The following URB1 variants were observed in gnomAD, a reference collection of about 807,000 sequenced individuals.
The protein encoded by URB1 is URB1 ribosome biogenesis factor, also known as nucleolar pre-ribosomal-associated protein 1.
Under a neutral mutation model 242.3 loss-of-function variants are expected in URB1, and 197 were observed. The observed-to-expected ratio is 0.81, with a 90% CI of 0.72 to 0.91. The LOEUF (loss-of-function observed/expected upper bound fraction) is 0.91. Ranked by LOEUF, URB1 falls within the 40% of genes least tolerant of loss-of-function variation. The probability of loss-of-function intolerance (pLI) is 0.00; values close to 1 mark genes in which losing one functional copy is unlikely to be tolerated. For missense variants in URB1, 2,721 were observed against 2,860.5 expected (o/e 0.95, Z 1.11); for synonymous variants, 1,153 against 1,201.8 (o/e 0.96, Z 0.84).
At chr21:32,383,377 G>A (rs757058705) in intron 4 of URB1, 45 bp downstream of exon 4, 41 of 1,524,918 alleles carry the variant, frequency 2.7e-5, no homozygotes, top group Non-Finnish European at 3.3e-5. Context: ...AGTCCTCCAA[G>A]GGAAGGAGAC....
intron 1 of URB1, among the ~76,000 whole-genome samples, chr21:32,387,195 T>A (rs1416133374): frequency 2.0e-5 from 3 of 152,036 alleles, no homozygotes; most frequent in Non-Finnish European, 2.9e-5. Context: ...CACTGACACC[T>A]GAATCTGAAC....
Position 32,311,888 on chromosome 21 carries a change from G to C in URB1, c.*3030C>G. The C allele has an allele frequency of 6.2e-7, 1 of 1,614,010 alleles. No homozygotes were observed. The highest frequency in any genetic ancestry group is 8.5e-7 in the Non-Finnish European group (1 of 1,180,032). The stretch of plus-strand genomic sequence containing the variant: ...CCACCTTGCCCCTCGGGGGTTTCCA[G>C]ACCCACCCCACTCTCCTCTGGGAAC... On this transcript the variant is annotated 3_prime_UTR_variant, in exon 39 of 39. Coordinates refer to ENST00000382751, the MANE Select transcript of URB1 (RefSeq NM_014825.3).
chr21:32,329,586 A>G (rs963637329), intron 30 of URB1, among the ~76,000 whole-genome samples: 6 of 152,240 alleles, frequency 3.9e-5, no homozygotes, highest in African/African-American at 1.4e-4. Flanking sequence ...CATTGCTAAC[A>G]GCCTTGGCTG....
At chr21:32,356,818 G>C (rs1160513825) in intron 15 of URB1, among the ~76,000 whole-genome samples, 2 of 152,212 alleles carry the variant, frequency 1.3e-5, no homozygotes, top group African/African-American at 4.8e-5. Context: ...TCACCTATTT[G>C]CAGTCAGTGA....
rs1324294337 is a variant in URB1, at chr21:32,353,052, T to C, written c.2417-146A>G. 7 of 810,766 alleles carry C rather than the reference T, an allele frequency of 8.6e-6. 1 individual carries two copies. The highest frequency in any genetic ancestry group is 3.5e-4 in the Middle Eastern group (1 of 2,896). 50.2% of individuals were successfully genotyped at this position (810,766 alleles called of 1,614,324 possible). On this transcript the variant is annotated intron_variant, in intron 18 of 38. Coordinates refer to ENST00000382751, the MANE Select transcript of URB1 (RefSeq NM_014825.3). ...GGGACACATAACCACAGGGAAGGAATTGCTACTACTGGAGACTGTACTAGG... is the reference window on the plus strand; with the variant it reads ...GGGACACATAACCACAGGGAAGGAACTGCTACTACTGGAGACTGTACTAGG...
In URB1 at chr21:32,357,539, T is replaced by C; in HGVS notation, c.1987A>G (p.Lys663Glu). 6.6e-7 allele frequency: 1 copy of C among 1,510,046 alleles called. No homozygotes were observed. Among genetic ancestry groups the C allele is most frequent in the Non-Finnish European group, 8.8e-7 (1 of 1,132,628 alleles). The allele number at this position is 1,510,046 out of a possible 1,614,324, so 93.5% of individuals were successfully genotyped here. ...LKSLTKLLIMKILRDTGVFEH... is the reference protein window; with the variant it reads ...LKSLTKLLIMEILRDTGVFEH... ...AGAAACTGGTAGAAAATGCTCACCT[T>C]CATGATCAGAAGTTTGGTCAATGAC... Residue 663 changes from lysine (K) to glutamate (E), a missense_variant and splice_region_variant, in exon 15 of 39, where the codon AAG becomes GAG. By Grantham distance (56) the Lys-to-Glu change is moderately conservative. Transcript: ENST00000382751.
chr21:32,361,937 T>G lies in URB1; in HGVS notation c.1594A>C (p.Lys532Gln), dbSNP rs907710190. 10 of 1,551,460 alleles carry G rather than the reference T, an allele frequency of 6.4e-6. No homozygotes were observed. The highest frequency in any genetic ancestry group is 2.0e-5 in the Admixed American group (1 of 50,980). The change falls in exon 12 of 39, where the codon AAA (lysine) becomes CAA (glutamine). Residue 532 changes from lysine to glutamine, a missense_variant. Physicochemically the swap from Lys to Gln is moderately conservative, Grantham distance 53 (BLOSUM62 1). Coordinates refer to ENST00000382751, the MANE Select transcript of URB1 (RefSeq NM_014825.3). ...ETKQDDKKGQKRSDGPPAACD... is the reference protein window; with the variant it reads ...ETKQDDKKGQQRSDGPPAACD... ...GCAGCCGGGGGCCCATCGCTCCTTT[T>G]CTGCCCTTTCTTGTCATCCTGTTTG... is the stretch of plus-strand genomic sequence containing the variant.
rs2123534614 is a variant in URB1 at position 32,314,849 on chromosome 21, A to G, written c.*69T>C. 6.6e-7 allele frequency: 1 copy of G among 1,515,310 alleles called. No homozygotes were observed. Among genetic ancestry groups the G allele is most frequent in the Non-Finnish European group, 8.9e-7 (1 of 1,127,796 alleles). 93.9% of individuals were successfully genotyped at this position (1,515,310 alleles called of 1,614,324 possible). On this transcript the variant is annotated 3_prime_UTR_variant, in exon 39 of 39. Coordinates refer to ENST00000382751, the MANE Select transcript of URB1 (RefSeq NM_014825.3). Reference sequence around the variant, plus strand: ...TTCTCTGGAAACCCTTGACTCAACCAAACTTCTAGAAGCTGGTGCTGTGCT... The same window carrying G: ...TTCTCTGGAAACCCTTGACTCAACCGAACTTCTAGAAGCTGGTGCTGTGCT...
At chr21:32,386,689 C>T (rs1386268171) in intron 1 of URB1, among the ~76,000 whole-genome samples, 2 of 152,168 alleles carry the variant, frequency 1.3e-5, no homozygotes, top group African/African-American at 4.8e-5. Context: ...CAAGAAAAAC[C>T]ATATAGAGCA....
rs559095993 is a variant in URB1 at position 32,344,717 on chromosome 21, C to A, written c.4110G>T (p.Gly1370=). 1.9e-6 allele frequency: 3 copies of A among 1,552,040 alleles called. No individual in the cohort carries two copies. In the South Asian group the frequency reaches 3.6e-5, roughly 18 times the overall value. ...VADSISAALE[G]SAEELCAWRR... is the part of the protein sequence containing the mutation. Reference sequence around the variant, plus strand: ...TCCAGGCACACAGCTCTTCTGCTGACCCTTCCAGAGCTGCTGAAATGGAGT... The same window carrying A: ...TCCAGGCACACAGCTCTTCTGCTGAACCTTCCAGAGCTGCTGAAATGGAGT... The change falls in exon 24 of 39, where the codon GGG becomes GGT. Residue 1370 remains glycine, a synonymous_variant. Coordinates refer to ENST00000382751, the MANE Select transcript of URB1 (RefSeq NM_014825.3).
intron 30 of URB1, among the ~76,000 whole-genome samples, chr21:32,327,088 C>A (rs1038990422): frequency 6.6e-6 from 1 of 151,972 alleles, no homozygotes; most frequent in Non-Finnish European, 1.5e-5. Flanking sequence ...TAAACCTAGA[C>A]AGCCAAGAAA....
At chr21:32,353,843 T>A (rs1185317897) in intron 18 of URB1, 90 bp downstream of exon 18, 1 of 1,422,974 alleles carries the variant, frequency 7.0e-7, no homozygotes, top group Non-Finnish European at 9.3e-7. Flanking sequence ...TTCTCAGCAA[T>A]TGATCCCAGA....
At chr21:32,365,050 C>T (rs1296017908) in intron 10 of URB1, among the ~76,000 whole-genome samples, 1 of 152,234 alleles carries the variant, frequency 6.6e-6, no homozygotes, top group African/African-American at 2.4e-5. Context: ...GGGCACAACC[C>T]TTTGTCCTGA....
chr21:32,329,383 A>G (rs2833770), intron 30 of URB1, among the ~76,000 whole-genome samples: 128,790 of 152,158 alleles, frequency 0.85, 54,887 homozygotes, highest in Admixed American at 0.9. Flanking sequence ...GCACCCCAAT[A>G]GGCTAGACTC....
intron 30 of URB1, among the ~76,000 whole-genome samples, chr21:32,331,316 C>T (rs972026827): frequency 3.3e-5 from 5 of 152,172 alleles, no homozygotes; most frequent in African/African-American, 9.7e-5. Context: ...TACCCTTCAG[C>T]ACCTGCTGAA....
At chr21:32,324,674 A>G in intron 31 of URB1, 72 bp from the exon 32 acceptor site, 1 of 1,190,444 alleles carries the variant, frequency 8.4e-7, no homozygotes, top group Non-Finnish European at 1.2e-6. Context: ...TCTCTGGTGC[A>G]GCCGAACCAG....
At chr21:32,322,397 G>A in intron 33 of URB1, 81 bp downstream of exon 33, 2 of 1,276,106 alleles carry the variant, frequency 1.6e-6, no homozygotes, top group Non-Finnish European at 2.2e-6. Context: ...CAGGATCCAT[G>A]GGGAAATGTC....
At chr21:32,359,387 T>C (rs1251901715) in intron 14 of URB1, among the ~76,000 whole-genome samples, 1 of 152,226 alleles carries the variant, frequency 6.6e-6, no homozygotes, top group Non-Finnish European at 1.5e-5. Context: ...CTACTGATTC[T>C]TCCACCAGCC....
At chr21:32,367,092 C>G (rs528811431) in intron 9 of URB1, among the ~76,000 whole-genome samples, 1 of 152,300 alleles carries the variant, frequency 6.6e-6, no homozygotes, top group East Asian at 1.9e-4. Context: ...AGGCACCTGA[C>G]AAATGATGTC....
Sources: allele counts gnomAD v4.1 joint callset (sites outside exome capture counted in the v4.1 genomes callset), GRCh38; gene constraint gnomAD v4.1.1; transcripts MANE v1.5; gene names NCBI Gene and HGNC (gene_info 2026-07-23, HGNC 2026-07-21).